The following PTPRQ variants were observed in gnomAD, a reference collection of about 807,000 sequenced individuals.
The protein encoded by PTPRQ is phosphatidylinositol phosphatase PTPRQ.
PTPRQ carries 199 observed loss-of-function variants against 246.0 expected under a neutral mutation model. The observed-to-expected ratio is 0.81, with a 90% confidence interval of 0.72 to 0.91. The LOEUF (loss-of-function observed/expected upper bound fraction) is 0.91, where lower values mean the gene tolerates loss of function less well. PTPRQ is among the 40% of genes least tolerant of loss of function. The pLI, the probability that PTPRQ is intolerant of heterozygous loss-of-function variation, is 0.00. For missense variants in PTPRQ, 2,624 were observed against 2,528.4 expected (o/e 1.04, Z -0.81); for synonymous variants, 869 against 853.2 (o/e 1.02, Z -0.32).
intron 23 of PTPRQ, among the ~76,000 whole-genome samples, chr12:80,545,884 A>G (rs763019469): frequency 1.3e-5 from 2 of 151,436 alleles, no homozygotes; most frequent in Non-Finnish European, 2.9e-5. Flanking sequence ...AAATGAATTT[A>G]GATGAGTTCA....
intron 36 of PTPRQ, among the ~76,000 whole-genome samples, chr12:80,649,232 TTGTAA>T (rs1900175723): frequency 6.6e-6 from 1 of 152,142 alleles, no homozygotes; most frequent in Non-Finnish European, 1.5e-5. Flanking sequence ...TTCTAAAACC[TTGTAA>T]TGTATAAAAT....
intron 35 of PTPRQ, among the ~76,000 whole-genome samples, chr12:80,640,896 A>G (rs1022213094): frequency 7.9e-5 from 12 of 152,206 alleles, no homozygotes; most frequent in Non-Finnish European, 1.8e-4. Flanking sequence ...GTTAGATTTG[A>G]TAGCAAATTA....
At position 80,605,148 on chromosome 12, in the gene PTPRQ, G is replaced by T. The variant is rs1432361349; in HGVS notation, c.4699G>T (p.Gly1567Ter). Reference protein sequence around the residue: ...ISWSEPAVITGPTCYLIDVKS... With the variant: ...ISWSEPAVIT ...CTGGAGTGAACCTGCTGTCATTACT[G>T]GACCAACATGTTATCTGATTGATGT... The change falls in exon 27 of 45, where the codon GGA becomes TGA. Residue 1567 changes from glycine (G) to a stop codon, truncating the protein, a stop_gained. Transcript: ENST00000644991. LOFTEE classifies it high-confidence loss of function. The T allele has an allele frequency of 2.6e-6, 4 of 1,544,072 alleles. No homozygotes were observed. Among genetic ancestry groups the T allele is most frequent in the Non-Finnish European group, 2.6e-6 (3 of 1,142,632 alleles).
At chr12:80,553,714 A>G (rs929148000) in intron 25 of PTPRQ, among the ~76,000 whole-genome samples, 1 of 152,144 alleles carries the variant, frequency 6.6e-6, no homozygotes, top group Non-Finnish European at 1.5e-5. Context: ...TCACAGTCAG[A>G]TATGTTGGAA....
chr12:80,459,395 G>C lies in PTPRQ; in HGVS notation c.572G>C (p.Ser191Thr). ...GGCAAAATTACCAGCTTCAAGATTA[G>C]TGTCAAGCATGCCAGAAGTGGGATA... ...PNGKITSFKI[S>T]VKHARSGIVV... is the part of the protein sequence containing the mutation. Residue 191 changes from serine (S) to threonine (T), a missense_variant, in exon 5 of 45, where the codon AGT (serine) becomes ACT (threonine). By Grantham distance (58) the Ser-to-Thr change is moderately conservative. Coordinates refer to ENST00000644991, the MANE Select transcript of PTPRQ (RefSeq NM_001145026.2). The C allele has an allele frequency of 2.5e-6, 1 of 398,488 alleles. No homozygotes were observed. The highest frequency in any genetic ancestry group is 2.1e-5 in the African/African-American group (1 of 48,748). 24.7% of individuals were successfully genotyped at this position (398,488 alleles called of 1,614,324 possible).
At chr12:80,643,342 G>A (rs1452887391) in intron 35 of PTPRQ, among the ~76,000 whole-genome samples, 1 of 151,856 alleles carries the variant, frequency 6.6e-6, no homozygotes. Context: ...GGAGGCTGAG[G>A]CAGGAGAATC....
rs868409829 is a variant in PTPRQ at position 80,481,059 on chromosome 12, G to A, written c.1187-3374G>A. ...ATCATTCTGATACCAAAGCCAGGCA[G>A]AGACACAACCAAAAAAGAGAATTTT... On this transcript the variant is annotated intron_variant, in intron 8 of 44. Transcript: ENST00000644991. Among the ~76,000 whole-genome samples the A allele has an allele frequency of 7.7e-4, 117 of 152,242 alleles. No homozygotes were observed. In the Middle Eastern group the frequency reaches 0.02, roughly 27 times the overall value.
At chr12:80,558,848 A>AT (rs560385596) in intron 25 of PTPRQ, among the ~76,000 whole-genome samples, 216 of 152,176 alleles carry the variant, frequency 1.4e-3, no homozygotes, top group Non-Finnish European at 1.6e-3. Context: ...AATTGAATAT[A>AT]TTTTTTATGT....
Position 80,542,854 on chromosome 12 carries a change from A to G in PTPRQ, c.3846A>G (p.Glu1282=), listed in dbSNP as rs1896195573. The G allele has an allele frequency of 6.5e-7, 1 of 1,532,604 alleles. No individual in the cohort carries two copies. The highest frequency in any genetic ancestry group is 8.8e-7 in the Non-Finnish European group (1 of 1,137,374). The allele number at this position is 1,532,604 out of a possible 1,614,324, so 94.9% of individuals were successfully genotyped here. ...IVKVYSFKIH[E]HETDTIYYKN... is the part of the protein sequence containing the mutation. ...AAGTATATAGTTTTAAAATTCATGA[A>G]CATGAAACTGACACTATATATTATA... The change falls in exon 23 of 45, where the codon GAA becomes GAG. Residue 1282 remains glutamate, a synonymous_variant. Transcript: ENST00000644991.
chr12:80,602,767 C>G (rs904203724), intron 26 of PTPRQ, among the ~76,000 whole-genome samples: 11 of 151,724 alleles, frequency 7.3e-5, no homozygotes, highest in Non-Finnish European at 1.0e-4. Flanking sequence ...TTATAGCTCT[C>G]TAGTATTGAA....
At chr12:80,573,594 A>G (rs887516343) in intron 25 of PTPRQ, among the ~76,000 whole-genome samples, 6 of 152,192 alleles carry the variant, frequency 3.9e-5, no homozygotes, top group Non-Finnish European at 7.4e-5. Context: ...CTATTAACCC[A>G]TCAGAATTTC....
intron 28 of PTPRQ, among the ~76,000 whole-genome samples, chr12:80,612,793 A>T (rs1237638822): frequency 6.6e-6 from 1 of 150,460 alleles, no homozygotes; most frequent in South Asian, 2.1e-4. Context: ...ATGTTTTTCC[A>T]TGATTAAACA....
intron 16 of PTPRQ, among the ~76,000 whole-genome samples, chr12:80,507,158 G>C (rs1351488765): frequency 6.6e-6 from 1 of 151,878 alleles, no homozygotes; most frequent in Non-Finnish European, 1.5e-5. Flanking sequence ...ATTCCCCAAA[G>C]TTAGTAGCTT....
intron 17 of PTPRQ, among the ~76,000 whole-genome samples, chr12:80,520,149 A>G (rs538638815): frequency 6.6e-6 from 1 of 151,988 alleles, no homozygotes; most frequent in Non-Finnish European, 1.5e-5. Flanking sequence ...TCTATTTCAT[A>G]TGGTTTGGTT....
chr12:80,519,854 T>C (rs368474055), intron 17 of PTPRQ, among the ~76,000 whole-genome samples: 28 of 152,122 alleles, frequency 1.8e-4, no homozygotes, highest in Non-Finnish European at 3.2e-4. Flanking sequence ...AATCAGTATC[T>C]TGTCCAATCA....
chr12:80,524,571 G>A (rs952825855), intron 17 of PTPRQ, among the ~76,000 whole-genome samples: 2 of 152,070 alleles, frequency 1.3e-5, no homozygotes, highest in Admixed American at 1.3e-4. Flanking sequence ...GATATACTGA[G>A]GTGTGTCTGA....
chr12:80,513,558 C>A (rs766390918), intron 17 of PTPRQ, among the ~76,000 whole-genome samples: 8 of 152,036 alleles, frequency 5.3e-5, no homozygotes, highest in African/African-American at 1.4e-4. Flanking sequence ...TTGGGAAATG[C>A]AACATTTAGG....
At chr12:80,605,669 G>C (rs937720349) in intron 27 of PTPRQ, among the ~76,000 whole-genome samples, 1 of 150,954 alleles carries the variant, frequency 6.6e-6, no homozygotes, top group African/African-American at 2.4e-5. Flanking sequence ...GAACATAAAA[G>C]GTAAATGGGA....
At chr12:80,625,253 G>T (rs1256490856) in intron 33 of PTPRQ, among the ~76,000 whole-genome samples, 1 of 152,084 alleles carries the variant, frequency 6.6e-6, no homozygotes, top group Non-Finnish European at 1.5e-5. Flanking sequence ...TCATGTGTTG[G>T]GATATATGAA....
Sources: gnomAD v4.1 joint callset for allele counts (sites outside exome capture counted in the v4.1 genomes callset) on GRCh38, gnomAD v4.1.1 for gene constraint, MANE v1.5 for transcripts, NCBI Gene and HGNC (gene_info 2026-07-23, HGNC 2026-07-21) for gene names.